CSMD1: variants seen among roughly 807,000 people sequenced by gnomAD.
The protein encoded by CSMD1 is CUB and sushi domain-containing protein 1.
In CSMD1, 213 loss-of-function variants were observed where a neutral mutation model predicts 417.5. That is an observed-to-expected ratio of 0.51 (90% CI 0.46 to 0.57). The LOEUF (loss-of-function observed/expected upper bound fraction) is 0.57. Among genes scored for constraint, CSMD1 ranks in the 20% least tolerant of loss-of-function variants. CSMD1 has a pLI of 0.00. For missense variants in CSMD1, 6,923 were observed against 4,529.7 expected (o/e 1.53, Z -15.17); for synonymous variants, 2,862 against 1,736.8 (o/e 1.65, Z -16.11).
chr8:3,331,683 T>C (rs1806904931), intron 23 of CSMD1, among the ~76,000 whole-genome samples: 2 of 152,236 alleles, frequency 1.3e-5, no homozygotes, highest in African/African-American at 4.8e-5. Context: ...TCTTTTACCA[T>C]GGCCCCCAAA....
chr8:3,303,308 G>C (rs1007423032), intron 25 of CSMD1, among the ~76,000 whole-genome samples: 4 of 152,062 alleles, frequency 2.6e-5, no homozygotes, highest in East Asian at 1.9e-4. Flanking sequence ...ATCAGAAATG[G>C]ATTAATATTC....
chr8:4,448,886 A>G (rs1226512436), intron 2 of CSMD1, among the ~76,000 whole-genome samples: 1 of 152,198 alleles, frequency 6.6e-6, no homozygotes, highest in Non-Finnish European at 1.5e-5. Context: ...TCACCAAGTA[A>G]ACACACACAT....
chr8:3,956,906 G>A (rs1811986112), intron 5 of CSMD1, among the ~76,000 whole-genome samples: 1 of 152,062 alleles, frequency 6.6e-6, no homozygotes, highest in Admixed American at 6.6e-5. Flanking sequence ...CTGCATTGTT[G>A]CAAACACTAA....
Position 3,097,141 on chromosome 8 carries a change from A to C in CSMD1, c.6950-104T>G, listed in dbSNP as rs74629050. ...AAACAAGTCAATGAAAGGAAAAAGC[A>C]ATCTTATTGAGCTCTGGCCAAATTT... On this transcript the variant is annotated intron_variant, in intron 46 of 69. Transcript: ENST00000635120. 2.1e-4 allele frequency: 193 copies of C among 935,130 alleles called. 1 individual carries two copies. The East Asian group carries it at 5.0e-3, about 24-fold the overall frequency. The allele number at this position is 935,130 out of a possible 1,614,324, so 57.9% of individuals were successfully genotyped here. A position where few individuals can be genotyped will look rare whatever the true frequency, so the allele number is the denominator to read the frequency against.
At chr8:3,812,969 G>T (rs1311106794) in intron 5 of CSMD1, among the ~76,000 whole-genome samples, 3 of 152,076 alleles carry the variant, frequency 2.0e-5, no homozygotes, top group Non-Finnish European at 4.4e-5. Flanking sequence ...AACAGGCAGT[G>T]CAATTTCTTG....
chr8:3,196,695 G>C (rs993648073), intron 33 of CSMD1, among the ~76,000 whole-genome samples: 49 of 152,280 alleles, frequency 3.2e-4, no homozygotes, highest in Non-Finnish European at 5.7e-4. Flanking sequence ...ACTCATGCCT[G>C]AGCCACAGCT....
At chr8:4,449,514 T>C in intron 2 of CSMD1, among the ~76,000 whole-genome samples, 1 of 152,172 alleles carries the variant, frequency 6.6e-6, no homozygotes, top group South Asian at 2.1e-4. Flanking sequence ...TCATTTTTTG[T>C]CTTTAGGCTG....
chr8:3,947,536 T>G (rs1422928951), intron 5 of CSMD1, among the ~76,000 whole-genome samples: 1 of 152,220 alleles, frequency 6.6e-6, no homozygotes, highest in Admixed American at 6.5e-5. Flanking sequence ...CTCTTCTACA[T>G]AACCCACGGG....
intron 11 of CSMD1, among the ~76,000 whole-genome samples, chr8:3,490,096 G>C (rs1016152009): frequency 6.6e-6 from 1 of 152,144 alleles, no homozygotes; most frequent in Non-Finnish European, 1.5e-5. Flanking sequence ...TATTCAAAGA[G>C]ACTAGCTGTG....
intron 3 of CSMD1, among the ~76,000 whole-genome samples, chr8:4,295,954 G>C (rs963013845): frequency 6.6e-6 from 1 of 151,178 alleles, no homozygotes; most frequent in Non-Finnish European, 1.5e-5. Flanking sequence ...GACTCACTCT[G>C]TAGAACATTT....
intron 10 of CSMD1, among the ~76,000 whole-genome samples, chr8:3,546,491 C>G (rs1798670321): frequency 6.6e-6 from 1 of 151,426 alleles, no homozygotes. Context: ...AGTCAAGATC[C>G]TGCCACCGCA....
intron 4 of CSMD1, among the ~76,000 whole-genome samples, chr8:4,006,661 T>A (rs1816140350): frequency 6.6e-6 from 1 of 152,230 alleles, no homozygotes; most frequent in African/African-American, 2.4e-5. Flanking sequence ...CTTGTTTATG[T>A]CCTTTTCCTT....
rs139385189 is a variant in CSMD1 at position 3,376,061 on chromosome 8, AT to A, written c.2783-6692del. On this transcript the variant is annotated intron_variant, in intron 18 of 69. Transcript: ENST00000635120. ...AATAAAGCACTTACTTCATTGTGTGATTTTTAAAAATGTCTTTCCTTTTGCT... is the reference window on the plus strand; with the variant it reads ...AATAAAGCACTTACTTCATTGTGTGATTTTAAAAATGTCTTTCCTTTTGCT... 8.2e-3 allele frequency among the ~76,000 whole-genome samples: 1,248 copies of A among 152,222 alleles called. 21 individuals are homozygous for A. Among genetic ancestry groups the A allele is most frequent in the African/African-American group, 0.029 (1,188 of 41,536 alleles).
At chr8:3,996,140 A>C (rs1815195271) in intron 5 of CSMD1, among the ~76,000 whole-genome samples, 1 of 152,144 alleles carries the variant, frequency 6.6e-6, no homozygotes, top group African/African-American at 2.4e-5. Context: ...AAAAGCTGCC[A>C]CTGATCATAG....
Position 3,159,119 on chromosome 8 carries a change from G to A in CSMD1, c.5845-1153C>T, listed in dbSNP as rs553313611. ...ACTCTCTGTATCCCCATTCTTCGAC[G>A]CATTAAATTATCCTTACAAATTTCC... is the stretch of plus-strand genomic sequence containing the variant. On this transcript the variant is annotated intron_variant, in intron 38 of 69. Transcript: ENST00000635120. Among the ~76,000 whole-genome samples the A allele has an allele frequency of 8.5e-5, 13 of 152,182 alleles. No homozygotes were observed. The East Asian group carries it at 1.5e-3, about 18-fold the overall frequency.
intron 21 of CSMD1, among the ~76,000 whole-genome samples, chr8:3,352,372 T>C (rs904624976): frequency 3.3e-5 from 5 of 152,194 alleles, no homozygotes; most frequent in African/African-American, 4.8e-5. Flanking sequence ...GTTGTGAAGA[T>C]TGACTTGTGA....
intron 1 of CSMD1, among the ~76,000 whole-genome samples, chr8:4,851,515 T>C (rs1437874032): frequency 1.3e-5 from 2 of 152,126 alleles, no homozygotes; most frequent in African/African-American, 4.8e-5. Flanking sequence ...CTCACTCCCC[T>C]ATACATTCTC....
chr8:4,867,109 G>C (rs1184509208), intron 1 of CSMD1, among the ~76,000 whole-genome samples: 1 of 151,962 alleles, frequency 6.6e-6, no homozygotes, highest in Non-Finnish European at 1.5e-5. Flanking sequence ...TGACCCTTGT[G>C]ATATGAACTT....
At chr8:4,006,581 G>A (rs968972538) in intron 4 of CSMD1, among the ~76,000 whole-genome samples, 14 of 152,142 alleles carry the variant, frequency 9.2e-5, no homozygotes, top group African/African-American at 3.1e-4. Flanking sequence ...ATATTCTTGG[G>A]ATGTTAGTTT....
Sources: gnomAD v4.1 joint callset for allele counts (sites outside exome capture counted in the v4.1 genomes callset) on GRCh38, gnomAD v4.1.1 for gene constraint, MANE v1.5 for transcripts, NCBI Gene and HGNC (gene_info 2026-07-23, HGNC 2026-07-21) for gene names.